ST8SIA1: variants seen among roughly 807,000 people sequenced by gnomAD.
ST8SIA1 encodes the protein ST8 alpha-N-acetyl-neuraminide alpha-2,8-sialyltransferase 1.
ST8SIA1 carries 16 observed loss-of-function variants against 35.9 expected under a neutral mutation model. The observed-to-expected ratio is 0.45, with a 90% CI of 0.30 to 0.68. The LOEUF is 0.68. Ranked by LOEUF, ST8SIA1 falls within the 30% of genes least tolerant of loss-of-function variation. The probability of loss-of-function intolerance (pLI) is 0.09; values close to 1 mark genes in which losing one functional copy is unlikely to be tolerated. For synonymous variants in ST8SIA1, 170 were observed against 169.6 expected (o/e 1.00, Z -0.02); for missense variants, 383 against 453.6 (o/e 0.84, Z 1.41).
At chr12:22,290,838 A>G (rs1051884233) in intron 1 of ST8SIA1, among the ~76,000 whole-genome samples, 1 of 152,166 alleles carries the variant, frequency 6.6e-6, no homozygotes, top group South Asian at 2.1e-4. Flanking sequence ...CTTTGCGCTG[A>G]TGCTGTGTAT....
chr12:22,265,893 A>T (rs1865842319), intron 2 of ST8SIA1, among the ~76,000 whole-genome samples: 1 of 152,006 alleles, frequency 6.6e-6, no homozygotes, highest in Non-Finnish European at 1.5e-5. Flanking sequence ...TTTCTAATAA[A>T]AAAAAAAGTA....
intron 1 of ST8SIA1, among the ~76,000 whole-genome samples, chr12:22,312,892 C>A (rs1356134668): frequency 6.6e-6 from 1 of 152,090 alleles, no homozygotes; most frequent in Non-Finnish European, 1.5e-5. Flanking sequence ...TAGCAAAAAA[C>A]TTTCATTTCT....
chr12:22,285,886 A>AAAAACAAAAAAAAAAAC (rs1866095750), intron 2 of ST8SIA1, among the ~76,000 whole-genome samples: 3 of 109,714 alleles, frequency 2.7e-5, no homozygotes, highest in African/African-American at 8.6e-5. Flanking sequence ...ACAAAAAAAA[A>AAAAACAAAAAAAAAAAC]AAAAAAAAAA....
At chr12:22,279,194 G>A (rs999463352) in intron 2 of ST8SIA1, among the ~76,000 whole-genome samples, 3 of 152,134 alleles carry the variant, frequency 2.0e-5, no homozygotes, top group African/African-American at 7.2e-5. Context: ...TGGCCTTTAG[G>A]GGAATGATTG....
chr12:22,211,842 G>A (rs963239647), intron 4 of ST8SIA1, among the ~76,000 whole-genome samples: 6 of 152,134 alleles, frequency 3.9e-5, no homozygotes, highest in Admixed American at 1.3e-4. Context: ...CTCCCGAGTA[G>A]CTGGGACTTC....
At chr12:22,277,366 C>CT (rs34650104) in intron 2 of ST8SIA1, among the ~76,000 whole-genome samples, 2,165 of 124,796 alleles carry the variant, frequency 0.017, 82 homozygotes, top group African/African-American at 0.054. Context: ...TAATAGTGAA[C>CT]TTTTTTTTTT....
chr12:22,320,997 AAG>A (rs1210375599), intron 1 of ST8SIA1, among the ~76,000 whole-genome samples: 1 of 84,636 alleles, frequency 1.2e-5, no homozygotes, highest in Non-Finnish European at 2.5e-5. Context: ...GAAAGAAAGA[AAG>A]AAAGAAGAAA....
chr12:22,255,185 T>C (rs1865715600), intron 3 of ST8SIA1, 95 bp downstream of exon 3: 1 of 978,428 alleles, frequency 1.0e-6, no homozygotes, highest in Non-Finnish European at 1.6e-6. Context: ...AACTGATTCA[T>C]CACAAGTGAC....
rs1436088056 is a variant in ST8SIA1 at position 22,296,615 on chromosome 12, G to A, written c.237-9322C>T. 5.3e-5 allele frequency among the ~76,000 whole-genome samples: 8 copies of A among 152,074 alleles called. No individual in the cohort carries two copies. The South Asian group carries it at 6.2e-4, about 12-fold the overall frequency. The stretch of plus-strand genomic sequence containing the variant: ...AAATATTTCTGTTATACATGAATTC[G>A]TATCTTTATGAATAAAATTCTGTTC... On this transcript the variant is annotated intron_variant, in intron 1 of 4. Coordinates refer to ENST00000396037, the MANE Select transcript of ST8SIA1 (RefSeq NM_003034.4).
At chr12:22,289,401 G>A (rs1490487444) in intron 1 of ST8SIA1, among the ~76,000 whole-genome samples, 6 of 152,106 alleles carry the variant, frequency 3.9e-5, no homozygotes, top group African/African-American at 1.2e-4. Context: ...AGCCAGGTCC[G>A]CAGAGTCCAG....
chr12:22,221,145 T>C (rs1215427537), intron 4 of ST8SIA1, among the ~76,000 whole-genome samples: 1 of 152,074 alleles, frequency 6.6e-6, no homozygotes, highest in Non-Finnish European at 1.5e-5. Context: ...TGGAGAAGCA[T>C]GCAGTTATTT....
chr12:22,248,745 T>C (rs1865632182), intron 4 of ST8SIA1: 1 of 398,540 alleles, frequency 2.5e-6, no homozygotes, highest in South Asian at 4.6e-5. Flanking sequence ...ATTGTGCTGT[T>C]CTTTGAGCAA....
intron 1 of ST8SIA1, among the ~76,000 whole-genome samples, chr12:22,298,589 A>G (rs925091071): frequency 1.3e-5 from 2 of 152,234 alleles, no homozygotes; most frequent in African/African-American, 4.8e-5. Flanking sequence ...AAGTCAAATC[A>G]TGAGGAAGTA....
intron 4 of ST8SIA1, among the ~76,000 whole-genome samples, chr12:22,204,797 T>C (rs1408970753): frequency 3.9e-5 from 6 of 152,196 alleles, no homozygotes; most frequent in African/African-American, 1.2e-4. Flanking sequence ...ATTTAAGAAT[T>C]AGATTCAATT....
Position 22,201,965 on chromosome 12 carries a change from T to C in ST8SIA1, c.658A>G (p.Met220Val), listed in dbSNP as rs745825383. ...MKIYNHSYIYMPAFSMKTGTE... is the reference protein window; with the variant it reads ...MKIYNHSYIYVPAFSMKTGTE... ...CCTGTCTTCATAGAAAAGGCAGGCA[T>C]GTAGATGTAACTGTGGTTATAAATT... The change falls in exon 5 of 5, where the codon ATG (methionine) becomes GTG (valine). Residue 220 changes from methionine (M) to valine (V), a missense_variant. Transcript: ENST00000396037. 1 of 1,613,992 alleles carries C rather than the reference T, an allele frequency of 6.2e-7. No individual in the cohort carries two copies. The highest frequency in any genetic ancestry group is 2.2e-5 in the East Asian group (1 of 44,876).
At chr12:22,206,928 A>G (rs1308024182) in intron 4 of ST8SIA1, among the ~76,000 whole-genome samples, 1 of 152,234 alleles carries the variant, frequency 6.6e-6, no homozygotes, top group Non-Finnish European at 1.5e-5. Flanking sequence ...GATGATATAA[A>G]AAGAAAAGGC....
At chr12:22,295,561 T>C (rs1434784356) in intron 1 of ST8SIA1, among the ~76,000 whole-genome samples, 1 of 151,920 alleles carries the variant, frequency 6.6e-6, no homozygotes, top group Non-Finnish European at 1.5e-5. Context: ...GGTGAAACCC[T>C]GTTTCTACAA....
rs1041750638 is a variant in ST8SIA1, at chr12:22,333,756, C to T, written c.236+241G>A. 10 of 708,402 alleles carry T rather than the reference C, an allele frequency of 1.4e-5. No individual in the cohort carries two copies. In the Admixed American group the frequency reaches 1.8e-4, roughly 13 times the overall value. The allele number at this position is 708,402 out of a possible 1,614,324, so 43.9% of individuals were successfully genotyped here. On this transcript the variant is annotated intron_variant, in intron 1 of 4. Coordinates refer to ENST00000396037, the MANE Select transcript of ST8SIA1 (RefSeq NM_003034.4). ...TAAAACTCCGCTTTGGGAAGAAATG[C>T]GTCGAGTCTTTACATGCGCAAAGCA...
At chr12:22,308,790 A>G (rs945460522) in intron 1 of ST8SIA1, among the ~76,000 whole-genome samples, 1 of 152,144 alleles carries the variant, frequency 6.6e-6, no homozygotes, top group Admixed American at 6.5e-5. Context: ...TCTCCTTCTT[A>G]TAAGTCTCCC....
Sources: gnomAD v4.1 joint callset for allele counts (sites outside exome capture counted in the v4.1 genomes callset) on GRCh38, gnomAD v4.1.1 for gene constraint, MANE v1.5 for transcripts, NCBI Gene and HGNC (gene_info 2026-07-23, HGNC 2026-07-21) for gene names.